SPECC1: variants seen among roughly 807,000 people sequenced by gnomAD.
SPECC1 encodes the protein cytospin-B.
In SPECC1, 62 loss-of-function variants were observed where a neutral mutation model predicts 104.1. The ratio of observed to expected loss-of-function variants is 0.60; its 90% CI spans 0.49 to 0.74. The LOEUF (loss-of-function observed/expected upper bound fraction) is 0.74. SPECC1 is among the 30% of genes least tolerant of loss of function. SPECC1 has a pLI of 0.00. For synonymous variants in SPECC1, 513 were observed against 501.6 expected (o/e 1.02, Z -0.30); for missense variants, 1,306 against 1,310.5 (o/e 1.00, Z 0.05).
intron 12 of SPECC1, among the ~76,000 whole-genome samples, chr17:20,279,309 CTTTT>C (rs558884865): frequency 7.6e-6 from 1 of 131,866 alleles, no homozygotes; most frequent in African/African-American, 2.8e-5. Context: ...ACTTTTCTTT[CTTTT>C]TTTTTTTTTC....
intron 5 of SPECC1, among the ~76,000 whole-genome samples, chr17:20,229,686 AAAACC>A (rs375814957): frequency 3.9e-5 from 6 of 152,268 alleles, no homozygotes; most frequent in African/African-American, 1.4e-4. Flanking sequence ...AAAAAATAAA[AAAACC>A]AAACCAAACA....
Position 20,243,943 on chromosome 17 carries a change from G to A in SPECC1, c.2352-1983G>A, listed in dbSNP as rs960366907. On this transcript the variant is annotated intron_variant, in intron 7 of 14. Transcript: ENST00000395527. ...TGGACTGGTAAGAAGGTGGCCAGGC[G>A]CAGTGGCTCATGCCTGTAATCCTGG... is the stretch of plus-strand genomic sequence containing the variant. 5.9e-5 allele frequency among the ~76,000 whole-genome samples: 9 copies of A among 152,262 alleles called. No individual in the cohort carries two copies. In the East Asian group the frequency reaches 1.2e-3, roughly 20 times the overall value.
intron 1 of SPECC1, among the ~76,000 whole-genome samples, chr17:20,074,132 G>C (rs2046666356): frequency 6.6e-6 from 1 of 152,188 alleles, no homozygotes; most frequent in Non-Finnish European, 1.5e-5. Flanking sequence ...CTAAGGTCCT[G>C]TGGAGAGAAC....
intron 2 of SPECC1, among the ~76,000 whole-genome samples, chr17:20,107,144 C>CAAAAAAAAAAAAAAAAAAAAA (rs531912350): frequency 1.2e-4 from 8 of 68,188 alleles, no homozygotes; most frequent in East Asian, 1.8e-3. Context: ...ACTCGTGTCT[C>CAAAAAAAAAAAAAAAAAAAAA]AAAAAAAAAA....
At chr17:20,098,091 A>T (rs749690025) in intron 2 of SPECC1, among the ~76,000 whole-genome samples, 1 of 151,858 alleles carries the variant, frequency 6.6e-6, no homozygotes, top group Non-Finnish European at 1.5e-5. Flanking sequence ...TCCAGCTGGG[A>T]CCCCTCTAAC....
At chr17:20,246,449 C>T (rs971675808) in intron 8 of SPECC1, among the ~76,000 whole-genome samples, 1 of 152,186 alleles carries the variant, frequency 6.6e-6, no homozygotes, top group African/African-American at 2.4e-5. Flanking sequence ...GGAAACGAGA[C>T]ATCACATCTC....
At chr17:20,175,501 C>A (rs887249679) in intron 3 of SPECC1, among the ~76,000 whole-genome samples, 4 of 152,138 alleles carry the variant, frequency 2.6e-5, no homozygotes, top group African/African-American at 9.7e-5. Context: ...TTTAAAACTT[C>A]TATTCATTTC....
rs745960028 is a variant in SPECC1 at position 20,317,722 on chromosome 17, T to TCA, written c.*3670_*3671dup. 2.3e-3 allele frequency: 491 copies of TCA among 212,980 alleles called. 2 individuals carry two copies. Among genetic ancestry groups the TCA allele is most frequent in the Non-Finnish European group, 3.2e-3 (341 of 106,458 alleles). 13.2% of individuals were successfully genotyped at this position (212,980 alleles called of 1,614,324 possible). ...GCCTGGGCCAAAGAGCAAGACCCTG[T>TCA]CACACACACACACAAAAAAAAGAAA... On this transcript the variant is annotated 3_prime_UTR_variant, in exon 15 of 15. Coordinates refer to ENST00000395527, the MANE Select transcript of SPECC1 (RefSeq NM_001243439.2).
intron 1 of SPECC1, among the ~76,000 whole-genome samples, chr17:20,054,851 C>T (rs543064472): frequency 6.6e-6 from 1 of 152,174 alleles, no homozygotes; most frequent in Admixed American, 6.5e-5. Context: ...CAGGGTTTCA[C>T]CATGTTACCC....
In SPECC1 at chr17:20,306,270, C is replaced by T. The variant is rs556888197; in HGVS notation, c.3117+188C>T. 3.6e-5 allele frequency: 19 copies of T among 521,178 alleles called. 1 individual carries two copies. The highest frequency in any genetic ancestry group is 1.7e-4 in the African/African-American group (9 of 52,102). 32.3% of individuals were successfully genotyped at this position (521,178 alleles called of 1,614,324 possible). On this transcript the variant is annotated intron_variant, in intron 14 of 14. Coordinates refer to ENST00000395527, the MANE Select transcript of SPECC1 (RefSeq NM_001243439.2). Reference sequence around the variant, plus strand: ...AACATATGATTTAGAGATTTTCAATCGCATAAGATTTCATATGGACAAATT... The same window carrying T: ...AACATATGATTTAGAGATTTTCAATTGCATAAGATTTCATATGGACAAATT...
chr17:20,241,243 A>G (rs904270809), intron 7 of SPECC1, among the ~76,000 whole-genome samples: 4 of 152,232 alleles, frequency 2.6e-5, no homozygotes, highest in Non-Finnish European at 5.9e-5. Flanking sequence ...TGGAACGCAG[A>G]GCCAGCTCTC....
intron 1 of SPECC1, among the ~76,000 whole-genome samples, chr17:20,094,826 C>T (rs1279591838): frequency 1.3e-5 from 2 of 152,120 alleles, no homozygotes; most frequent in Admixed American, 6.5e-5. Flanking sequence ...TCTCAAACTC[C>T]TAGACTCAAG....
intron 9 of SPECC1, among the ~76,000 whole-genome samples, chr17:20,248,100 C>G (rs945622901): frequency 4.6e-5 from 7 of 152,222 alleles, no homozygotes; most frequent in African/African-American, 1.7e-4. Flanking sequence ...AAAGCACACT[C>G]TGTGCCTGCC....
chr17:20,238,413 A>G lies in SPECC1; in HGVS notation c.2351+6008A>G, dbSNP rs143004164. 3.4e-4 allele frequency: 354 copies of G among 1,041,624 alleles called. 1 individual carries two copies. In the African/African-American group the frequency reaches 4.9e-3, roughly 15 times the overall value. The allele number at this position is 1,041,624 out of a possible 1,614,324, so 64.5% of individuals were successfully genotyped here. A position where few individuals can be genotyped will look rare whatever the true frequency, so the allele number is the denominator to read the frequency against. ...CTCCATCAGGCAGAAACCTTCTGCA[A>G]TCCTCACATGAGGAACTGGTTCACA... is the stretch of plus-strand genomic sequence containing the variant. On this transcript the variant is annotated intron_variant, in intron 7 of 14. Coordinates refer to ENST00000395527, the MANE Select transcript of SPECC1 (RefSeq NM_001243439.2).
intron 3 of SPECC1, among the ~76,000 whole-genome samples, chr17:20,166,294 A>G (rs1317786028): frequency 2.0e-5 from 3 of 152,248 alleles, no homozygotes; most frequent in Non-Finnish European, 2.9e-5. Context: ...ACTGTCTTAC[A>G]CAAACCATTT....
rs188725397 is a variant in SPECC1, at chr17:20,205,321, A to T, written c.1272A>T (p.Thr424=). The T allele has an allele frequency of 6.2e-7, 1 of 1,614,264 alleles. No homozygotes were observed. The highest frequency in any genetic ancestry group is 1.3e-5 in the African/African-American group (1 of 75,076). The change falls in exon 4 of 15, where the codon ACA becomes ACT. Residue 424 remains threonine (T), a synonymous_variant. Transcript: ENST00000395527. ...TGGATGAAAAGACGATTTTAGAGAC[A>T]TCCTTTCATCAGCATCGAGAGAGGG... ...KLVDEKTILE[T]SFHQHRERAE...
intron 4 of SPECC1, among the ~76,000 whole-genome samples, chr17:20,207,043 A>T (rs1474673454): frequency 6.6e-6 from 1 of 152,184 alleles, no homozygotes; most frequent in Non-Finnish European, 1.5e-5. Flanking sequence ...CTCCCAGAGC[A>T]GTGCTGGAGA....
chr17:20,139,552 A>G (rs2030489927), intron 3 of SPECC1, among the ~76,000 whole-genome samples: 1 of 152,134 alleles, frequency 6.6e-6, no homozygotes, highest in Admixed American at 6.5e-5. Context: ...TAGCATCTGG[A>G]TTTGTCCTAA....
chr17:20,231,693 C>T (rs762766471), intron 5 of SPECC1, 65 bp from the exon 6 acceptor site: 8 of 1,464,646 alleles, frequency 5.5e-6, no homozygotes, highest in Admixed American at 5.0e-5. Context: ...TCTTTGCTAC[C>T]TAGCGTGTCT....
Sources: allele counts gnomAD v4.1 joint callset (sites outside exome capture counted in the v4.1 genomes callset), GRCh38; gene constraint gnomAD v4.1.1; transcripts MANE v1.5; gene names NCBI Gene and HGNC (gene_info 2026-07-23, HGNC 2026-07-21).